The following PLXNB1 variants were observed in gnomAD, a reference collection of about 807,000 sequenced individuals.
PLXNB1 encodes the protein plexin B1, also known as plexin-B1.
PLXNB1 carries 106 observed loss-of-function variants against 209.4 expected under a neutral mutation model. That is an observed-to-expected ratio of 0.51 (90% confidence interval 0.43 to 0.59). PLXNB1 has a LOEUF of 0.59. Ranked by LOEUF, PLXNB1 falls within the 20% of genes least tolerant of loss-of-function variation. PLXNB1 has a pLI of 0.00. For missense variants in PLXNB1, 2,357 were observed against 2,853.2 expected, an observed-to-expected ratio of 0.83 and a Z score of 3.96; for synonymous variants, 1,167 against 1,183.2, an observed-to-expected ratio of 0.99 and a Z score of 0.28.
rs533955711 is a variant in PLXNB1, at chr3:48,415,055, A to G, written c.3967-14T>C. 9.9e-6 allele frequency: 16 copies of G among 1,611,232 alleles called. No individual in the cohort carries two copies. Among genetic ancestry groups the G allele is most frequent in the African/African-American group, 6.7e-5 (5 of 75,024 alleles). ...CGGCTCCTCAAACTGGAAGGAAGAC[A>G]GGCAGGTTGACGAGGGGCCAAGCAA... On this transcript the variant is annotated splice_polypyrimidine_tract_variant and intron_variant, in intron 20 of 37. Transcript: ENST00000296440. The surrounding 1 kb of genome is among the most constrained non-coding windows in gnomAD (Gnocchi z 5.0).
At position 48,413,746 on chromosome 3, in the gene PLXNB1, C is replaced by T. The variant is rs34958067; in HGVS notation, c.4459G>A (p.Val1487Met). ...ACCCCCAAGCCCACCTGGGCTGCCA[C>T]AGGAAAAGCCCCAGGGCTCTCGCCG... ...YDGESPGAFP[V>M]AAQVGLGVGT... is the part of the protein sequence containing the mutation. The change falls in exon 23 of 38, where the codon GTG (valine) becomes ATG (methionine). Residue 1487 changes from valine (V) to methionine (M), a missense_variant. Val to Met is a conservative substitution (Grantham distance 21). Coordinates refer to ENST00000296440, the MANE Select transcript of PLXNB1 (RefSeq NM_001130082.3). The surrounding 1 kb of genome is among the most constrained non-coding windows in gnomAD (Gnocchi z 5.4). The T allele has an allele frequency of 3.1e-4, 504 of 1,613,848 alleles. 1 individual carries two copies. The highest frequency in any genetic ancestry group is 3.5e-4 in the Admixed American group (21 of 60,028).
intron 34 of PLXNB1, among the ~76,000 whole-genome samples, chr3:48,408,138 G>A (rs1036111913): frequency 6.6e-5 from 10 of 152,000 alleles, no homozygotes; most frequent in African/African-American, 2.4e-4. Context: ...AGCCTCCCTA[G>A]TAGCTGGGAC....
At chr3:48,404,658 G>A (rs1560041254) in intron 37 of PLXNB1, 68 bp from the exon 38 acceptor site, 2 of 1,045,530 alleles carry the variant, frequency 1.9e-6, no homozygotes, top group East Asian at 2.6e-5. Context: ...AAATTCAACA[G>A]CCCTCCTAAG....
Position 48,424,075 on chromosome 3 carries a change from AC to A in PLXNB1, c.536del (p.Gly179ValfsTer41), listed in dbSNP as rs953293505. On this transcript the variant is annotated frameshift_variant, in exon 3 of 38. Coordinates refer to ENST00000296440, the MANE Select transcript of PLXNB1 (RefSeq NM_001130082.3). LOFTEE classifies it high-confidence loss of function. Reference sequence around the variant, plus strand: ...CCCGGGTTGTGATGGGTGGAATGCCACCCCCCACACCCCTGCTGGTGTATCC... The same window carrying A: ...CCCGGGTTGTGATGGGTGGAATGCCACCCCCACACCCCTGCTGGTGTATCC... ...GRGYTSRGVG[G>X]GIPPITTRAL... 6.4e-7 allele frequency: 1 copy of A among 1,566,328 alleles called. No homozygotes were observed. The highest frequency in any genetic ancestry group is 8.7e-7 in the Non-Finnish European group (1 of 1,155,130).
Position 48,414,980 on chromosome 3 carries a change from G to A in PLXNB1, c.4028C>T (p.Pro1343Leu). The A allele has an allele frequency of 1.2e-6, 2 of 1,613,788 alleles. No individual in the cohort carries two copies. The highest frequency in any genetic ancestry group is 1.7e-6 in the Non-Finnish European group (2 of 1,180,042). The change falls in exon 21 of 38, where the codon CCA (proline) becomes CTA (leucine). Residue 1343 changes from proline (P) to leucine (L), a missense_variant. By Grantham distance (98) the Pro-to-Leu change is moderately conservative. This residue lies in a region of PLXNB1 where 743 missense variants were observed against 896.2 expected (regional missense o/e 0.83). Coordinates refer to ENST00000296440, the MANE Select transcript of PLXNB1 (RefSeq NM_001130082.3). ...QLITCRTPALPGLPEDPWVRV... is the reference protein window; with the variant it reads ...QLITCRTPALLGLPEDPWVRV... ...GACCCAGGGGTCCTCAGGCAGGCCT[G>A]GGAGGGCAGGTGTGCGGCACGTGAT...
chr3:48,422,910 G>A lies in PLXNB1; in HGVS notation c.1145C>T (p.Thr382Met), dbSNP rs2038627977. Reference protein sequence around the residue: ...LDAYPCGSDHTPSPMASRVPL... With the variant: ...LDAYPCGSDHMPSPMASRVPL... ...GACCCGGCTGGCCATGGGGCTGGGCGTGTGGTCTGAGCCACAGGGATAAGC... is the reference window on the plus strand; with the variant it reads ...GACCCGGCTGGCCATGGGGCTGGGCATGTGGTCTGAGCCACAGGGATAAGC... The change falls in exon 4 of 38, where the codon ACG becomes ATG. Residue 382 changes from threonine (T) to methionine (M), a missense_variant. By Grantham distance (81) the Thr-to-Met change is moderately conservative. Around this residue, in one of 7 missense-constraint regions of PLXNB1, gnomAD observed 404 missense variants for 443.6 expected, o/e 0.91. Transcript: ENST00000296440. The A allele has an allele frequency of 4.3e-6, 7 of 1,614,052 alleles. No homozygotes were observed. The highest frequency in any genetic ancestry group is 5.9e-6 in the Non-Finnish European group (7 of 1,179,950).
At chr3:48,424,780 G>A (rs2038796768) in intron 2 of PLXNB1, among the ~76,000 whole-genome samples, 163 bp from the exon 3 acceptor site, 1 of 152,288 alleles carries the variant, frequency 6.6e-6, no homozygotes, top group Non-Finnish European at 1.5e-5. Flanking sequence ...TGTCCAGGAT[G>A]ACCCCAGGAC....
At position 48,412,597 on chromosome 3, in the gene PLXNB1, C is replaced by A; in HGVS notation, c.4878G>T (p.Gln1626His). The change falls in exon 26 of 38, where the codon CAG becomes CAT. Residue 1626 changes from glutamine (Q) to histidine (H), a missense_variant. Physicochemically the swap from Gln to His is conservative, Grantham distance 24. Coordinates refer to ENST00000296440, the MANE Select transcript of PLXNB1 (RefSeq NM_001130082.3). ...LTKFIHTLES[Q>H]RTFSARDRAY... ...CACGGTCCCGAGCTGAAAAGGTGCG[C>A]TGGCTCTCCAGCGTGTGGATGAACT... 1 of 1,613,536 alleles carries A rather than the reference C, an allele frequency of 6.2e-7. No homozygotes were observed. The highest frequency in any genetic ancestry group is 8.5e-7 in the Non-Finnish European group (1 of 1,180,032).
Position 48,422,419 on chromosome 3 carries a change from G to A in PLXNB1, c.1331C>T (p.Thr444Ile), listed in dbSNP as rs778904335. 3.1e-6 allele frequency: 5 copies of A among 1,601,398 alleles called. No individual in the cohort carries two copies. Among genetic ancestry groups the A allele is most frequent in the South Asian group, 1.1e-5 (1 of 88,840 alleles). The part of the protein sequence containing the change: ...GPGSDGHPYS[T>I]QSIQQGSAVS... The stretch of plus-strand genomic sequence containing the variant: ...TGCAGACCCCTGCTGGATGCTCTGT[G>A]TGGAGTATGGGTGGCCATCGCTCCC... Residue 444 changes from threonine to isoleucine, a missense_variant, in exon 5 of 38, where the codon ACA becomes ATA. Around this residue, in one of 7 missense-constraint regions of PLXNB1, gnomAD observed 404 missense variants for 443.6 expected, o/e 0.91. Transcript: ENST00000296440.
Position 48,413,240 on chromosome 3 carries a change from C to A in PLXNB1, c.4536-71G>T, listed in dbSNP as rs868035600. The A allele has an allele frequency of 9.2e-6, 11 of 1,200,764 alleles. No individual in the cohort carries two copies. In the Middle Eastern group the frequency reaches 1.3e-3, roughly 145 times the overall value. The allele number at this position is 1,200,764 out of a possible 1,614,324, so 74.4% of individuals were successfully genotyped here. A position where few individuals can be genotyped will look rare whatever the true frequency, so the allele number is the denominator to read the frequency against. On this transcript the variant is annotated intron_variant, in intron 23 of 37. Transcript: ENST00000296440. This position sits in a 1 kb window ranked among gnomAD's most constrained non-coding sequence, Gnocchi z 5.4. ...TCGCCCAGGCCTGCCTGACAATCCCCAGGCACACCCCGGCCTCATCCAGCA... is the reference window on the plus strand; with the variant it reads ...TCGCCCAGGCCTGCCTGACAATCCCAAGGCACACCCCGGCCTCATCCAGCA...
Position 48,410,037 on chromosome 3 carries a change from C to A in PLXNB1, c.5646G>T (p.Arg1882=), listed in dbSNP as rs746605635. ...MLEDVDEGGI[R]PWHLVKPSDE... Reference sequence around the variant, plus strand: ...CACTTGGCTTCACCAGGTGCCAGGGCCGGATGCCCCCCTCATCTACATCCT... The same window carrying A: ...CACTTGGCTTCACCAGGTGCCAGGGACGGATGCCCCCCTCATCTACATCCT... The change falls in exon 32 of 38, where the codon CGG becomes CGT. Residue 1882 remains arginine (R), a synonymous_variant. Transcript: ENST00000296440. The surrounding 1 kb of genome is among the most constrained non-coding windows in gnomAD (Gnocchi z 6.4). 7 of 1,609,100 alleles carry A rather than the reference C, an allele frequency of 4.4e-6. No homozygotes were observed. Among genetic ancestry groups the A allele is most frequent in the Admixed American group, 3.4e-5 (2 of 59,594 alleles).
rs765831676 is a variant in PLXNB1 at position 48,409,677 on chromosome 3, G to A, written c.5833C>T (p.Arg1945Cys). Reference protein sequence around the residue: ...DLFQVILSTSRPVPLAVKYFF... With the variant: ...DLFQVILSTSCPVPLAVKYFF... ...TACTTCACAGCGAGCGGCACGGGGC[G>A]GCTGGTGCTGAGAATCACCTGGAAC... The change falls in exon 33 of 38, where the codon CGC (arginine) becomes TGC (cysteine). Residue 1945 changes from arginine to cysteine, a missense_variant. Physicochemically the swap from Arg to Cys is radical, Grantham distance 180 (BLOSUM62 -3). Around this residue, in one of 7 missense-constraint regions of PLXNB1, gnomAD observed 414 missense variants for 520.5 expected, o/e 0.80. Coordinates refer to ENST00000296440, the MANE Select transcript of PLXNB1 (RefSeq NM_001130082.3). The surrounding 1 kb of genome is among the most constrained non-coding windows in gnomAD (Gnocchi z 5.8). 1.5e-5 allele frequency: 24 copies of A among 1,613,828 alleles called. No homozygotes were observed. The highest frequency in any genetic ancestry group is 6.7e-5 in the African/African-American group (5 of 74,912).
chr3:48,413,088 G>T lies in PLXNB1; in HGVS notation c.4617C>A (p.Arg1539=), dbSNP rs748977302. 6.2e-7 allele frequency: 1 copy of T among 1,613,880 alleles called. No individual in the cohort carries two copies. Among genetic ancestry groups the T allele is most frequent in the South Asian group, 1.1e-5 (1 of 91,078 alleles). The change falls in exon 24 of 38, where the codon CGC becomes CGA. Residue 1539 remains arginine (R), a synonymous_variant. Transcript: ENST00000296440. The surrounding 1 kb of genome is among the most constrained non-coding windows in gnomAD (Gnocchi z 5.4). ...LENLESSVRD[R]CKKEFTDLMT... ...CCACACCTGTGAATTCCTTCTTGCA[G>T]CGGTCCCGCACACTGCTCTCCAGAT...
At position 48,413,287 on chromosome 3, in the gene PLXNB1, G is replaced by A; in HGVS notation, c.4536-118C>T. On this transcript the variant is annotated intron_variant, in intron 23 of 37. Transcript: ENST00000296440. This position sits in a 1 kb window ranked among gnomAD's most constrained non-coding sequence, Gnocchi z 5.4. ...AGCACAGTCCAATGCAGCCATGCCAGCCAAGCTCAAGCCTAGCCCAGTACG... is the reference window on the plus strand; with the variant it reads ...AGCACAGTCCAATGCAGCCATGCCAACCAAGCTCAAGCCTAGCCCAGTACG... 1 of 814,942 alleles carries A rather than the reference G, an allele frequency of 1.2e-6. No homozygotes were observed. The highest frequency in any genetic ancestry group is 2.0e-6 in the Non-Finnish European group (1 of 488,322). The allele number at this position is 814,942 out of a possible 1,614,324, so 50.5% of individuals were successfully genotyped here. A position where few individuals can be genotyped will look rare whatever the true frequency, so the allele number is the denominator to read the frequency against.
In PLXNB1 at chr3:48,404,676, G is replaced by A. The variant is rs923988297; in HGVS notation, c.6304-86C>T. The A allele has an allele frequency of 3.5e-6, 3 of 846,752 alleles. No homozygotes were observed. The South Asian group carries it at 5.0e-5, about 14-fold the overall frequency. The allele number at this position is 846,752 out of a possible 1,614,324, so 52.5% of individuals were successfully genotyped here. On this transcript the variant is annotated intron_variant, in intron 37 of 37. Transcript: ENST00000296440. ...TTCAACAGCCCTCCTAAGACGCTGT[G>A]GCATGAGTGGGGTAGGAGGCCAAGA...
At position 48,416,072 on chromosome 3, in the gene PLXNB1, C is replaced by CA. The variant is rs1165853364; in HGVS notation, c.3575dup (p.Glu1193GlyfsTer26). 1 of 1,602,104 alleles carries CA rather than the reference C, an allele frequency of 6.2e-7. No individual in the cohort carries two copies. The highest frequency in any genetic ancestry group is 8.5e-7 in the Non-Finnish European group (1 of 1,174,658). ...CTCCAACCACCACTCGGATGTCCTCCAGCCGCCCAGTCAGGAGCTTGGAGC... is the reference window on the plus strand; with the variant it reads ...CTCCAACCACCACTCGGATGTCCTCCAAGCCGCCCAGTCAGGAGCTTGGAGC... On this transcript the variant is annotated frameshift_variant, in exon 18 of 38. Coordinates refer to ENST00000296440, the MANE Select transcript of PLXNB1 (RefSeq NM_001130082.3). LOFTEE classifies it high-confidence loss of function. The surrounding 1 kb of genome is among the most constrained non-coding windows in gnomAD (Gnocchi z 4.1).
Position 48,409,973 on chromosome 3 carries a change from G to T in PLXNB1, c.5710C>A (p.Arg1904=), listed in dbSNP as rs1228888931. 6.2e-7 allele frequency: 1 copy of T among 1,612,604 alleles called. No homozygotes were observed. The highest frequency in any genetic ancestry group is 2.2e-5 in the East Asian group (1 of 44,850). The part of the protein sequence containing the change: ...EPPRPRRGSL[R]GGERERAKAI... ...TTGGCGCGCTCACGCTCCCCGCCCC[G>T]AAGGCTGCCCCTCCGAGGCCTGGGC... is the stretch of plus-strand genomic sequence containing the variant. Residue 1904 remains arginine (R), a synonymous_variant, in exon 32 of 38, where the codon CGG becomes AGG. Transcript: ENST00000296440. This position sits in a 1 kb window ranked among gnomAD's most constrained non-coding sequence, Gnocchi z 5.8.
Position 48,410,060 on chromosome 3 carries a change from C to T in PLXNB1, c.5623G>A (p.Asp1875Asn). 1 of 1,596,302 alleles carries T rather than the reference C, an allele frequency of 6.3e-7. No homozygotes were observed. The highest frequency in any genetic ancestry group is 8.6e-7 in the Non-Finnish European group (1 of 1,169,380). Reference sequence around the variant, plus strand: ...GGCCGGATGCCCCCCTCATCTACATCCTCCAGCATTGGGGTCCCTGTGCCA... The same window carrying T: ...GGCCGGATGCCCCCCTCATCTACATTCTCCAGCATTGGGGTCCCTGTGCCA... Reference protein sequence around the residue: ...VPGERTPMLEDVDEGGIRPWH... With the variant: ...VPGERTPMLENVDEGGIRPWH... Residue 1875 changes from aspartate to asparagine, a missense_variant, in exon 32 of 38, where the codon GAT (aspartate) becomes AAT (asparagine). Transcript: ENST00000296440. This position sits in a 1 kb window ranked among gnomAD's most constrained non-coding sequence, Gnocchi z 6.4.
intron 34 of PLXNB1, among the ~76,000 whole-genome samples, chr3:48,408,428 G>A (rs937777884): frequency 5.3e-5 from 8 of 152,158 alleles, no homozygotes; most frequent in South Asian, 4.1e-4. Context: ...AGAGTCACAC[G>A]AGGGCCCTGC....
Sources: allele counts gnomAD v4.1 joint callset (sites outside exome capture counted in the v4.1 genomes callset), GRCh38; gene constraint gnomAD v4.1.1; regional missense constraint gnomAD v4.1.1; non-coding constraint Gnocchi (gnomAD v3.1); transcripts MANE v1.5; gene names NCBI Gene and HGNC (gene_info 2026-07-23, HGNC 2026-07-21).